The following RALYL variants were observed in gnomAD, a reference collection of about 807,000 sequenced individuals.
The protein encoded by RALYL is RNA-binding Raly-like protein.
A neutral mutation model predicts 35.1 loss-of-function variants in RALYL; 29 were observed. The observed-to-expected ratio is 0.83, with a 90% CI of 0.61 to 1.13. The LOEUF is 1.13. RALYL is among the 50% of genes most tolerant of loss of function. The probability of loss-of-function intolerance (pLI) is 0.00; values close to 1 mark genes in which losing one functional copy is unlikely to be tolerated. For synonymous variants in RALYL, 120 were observed against 127.6 expected, an observed-to-expected ratio of 0.94 and a Z score of 0.40; for missense variants, 359 against 360.4, an observed-to-expected ratio of 1.00 and a Z score of 0.03.
At chr8:84,757,045 A>C (rs1034252682) in intron 2 of RALYL, among the ~76,000 whole-genome samples, 4 of 152,158 alleles carry the variant, frequency 2.6e-5, no homozygotes, top group Admixed American at 1.3e-4. Context: ...ACATACTAAC[A>C]AGAAGAATTT....
intron 1 of RALYL, among the ~76,000 whole-genome samples, chr8:84,506,840 C>T (rs2057208903): frequency 6.6e-6 from 1 of 151,736 alleles, no homozygotes; most frequent in Non-Finnish European, 1.5e-5. Flanking sequence ...AGCAACTGTG[C>T]ACTTTAAATT....
At chr8:84,634,300 TC>T (rs1247118946) in intron 2 of RALYL, among the ~76,000 whole-genome samples, 3 of 151,810 alleles carry the variant, frequency 2.0e-5, no homozygotes, top group African/African-American at 7.2e-5. Context: ...ATAATACTCT[TC>T]CCCTGTCTTT....
chr8:84,520,923 G>A (rs2058408865), intron 1 of RALYL, among the ~76,000 whole-genome samples: 1 of 152,160 alleles, frequency 6.6e-6, no homozygotes, highest in Non-Finnish European at 1.5e-5. Context: ...AGCCCTCACA[G>A]AATAAATATA....
At chr8:84,594,776 C>G (rs1235392412) in intron 2 of RALYL, among the ~76,000 whole-genome samples, 1 of 151,974 alleles carries the variant, frequency 6.6e-6, no homozygotes, top group African/African-American at 2.4e-5. Context: ...TCTGAATCTT[C>G]AAAGAAAACT....
chr8:84,408,287 G>A (rs1171657274), intron 1 of RALYL, among the ~76,000 whole-genome samples: 2 of 151,642 alleles, frequency 1.3e-5, no homozygotes, highest in East Asian at 1.9e-4. Flanking sequence ...CCCATATTTT[G>A]ATTCCTTGAT....
chr8:84,754,275 T>C (rs548960869), intron 2 of RALYL, among the ~76,000 whole-genome samples: 1 of 152,194 alleles, frequency 6.6e-6, no homozygotes, highest in Non-Finnish European at 1.5e-5. Context: ...AATGTGAGAA[T>C]AGACTAATAT....
At chr8:84,441,828 C>T (rs1360811766) in intron 1 of RALYL, among the ~76,000 whole-genome samples, 1 of 152,058 alleles carries the variant, frequency 6.6e-6, no homozygotes, top group Non-Finnish European at 1.5e-5. Flanking sequence ...TACGTCAATT[C>T]CTCATCCCAC....
chr8:84,776,662 T>TG (rs1586166920), intron 3 of RALYL, among the ~76,000 whole-genome samples: 1 of 152,156 alleles, frequency 6.6e-6, no homozygotes. Flanking sequence ...CCAATGGCTT[T>TG]TTTTTATCAT....
intron 1 of RALYL, among the ~76,000 whole-genome samples, chr8:84,212,027 T>C (rs1176921777): frequency 6.6e-6 from 1 of 152,176 alleles, no homozygotes; most frequent in Non-Finnish European, 1.5e-5. Context: ...AAATTCACTA[T>C]TGCAACTCAG....
chr8:84,272,019 A>G (rs1046824049), intron 1 of RALYL, among the ~76,000 whole-genome samples: 18 of 152,164 alleles, frequency 1.2e-4, no homozygotes, highest in Non-Finnish European at 1.8e-4. Flanking sequence ...CTACCACCAT[A>G]ATGAGATTCT....
At chr8:84,672,981 C>T (rs193122567) in intron 2 of RALYL, among the ~76,000 whole-genome samples, 30 of 152,312 alleles carry the variant, frequency 2.0e-4, no homozygotes, top group African/African-American at 6.7e-4. Context: ...AACTAATTTA[C>T]CCTCTTACCA....
chr8:84,408,891 T>TAC (rs1300553896), intron 1 of RALYL, among the ~76,000 whole-genome samples: 2 of 152,090 alleles, frequency 1.3e-5, no homozygotes, highest in Non-Finnish European at 1.5e-5. Context: ...ATGGCAGCAC[T>TAC]ACATGTAACT....
intron 4 of RALYL, among the ~76,000 whole-genome samples, chr8:84,844,037 C>G (rs900757157): frequency 3.3e-5 from 5 of 152,200 alleles, no homozygotes; most frequent in African/African-American, 7.2e-5. Flanking sequence ...CTAGGCAATA[C>G]CATTCAGGAC....
intron 1 of RALYL, among the ~76,000 whole-genome samples, chr8:84,219,079 T>TA (rs1350475258): frequency 3.3e-5 from 5 of 152,034 alleles, no homozygotes; most frequent in African/African-American, 4.8e-5. Context: ...TGAACTAAAA[T>TA]AAAAAAATAC....
At chr8:84,651,909 G>A (rs993291319) in intron 2 of RALYL, among the ~76,000 whole-genome samples, 12 of 151,974 alleles carry the variant, frequency 7.9e-5, no homozygotes, top group Non-Finnish European at 1.5e-4. Context: ...TAGAAAAAAC[G>A]TCCAAATATC....
At chr8:84,271,715 G>C (rs1485717405) in intron 1 of RALYL, among the ~76,000 whole-genome samples, 1 of 151,898 alleles carries the variant, frequency 6.6e-6, no homozygotes, top group South Asian at 2.1e-4. Flanking sequence ...AAAGTATTAT[G>C]CCAAACAGAA....
intron 2 of RALYL, among the ~76,000 whole-genome samples, chr8:84,633,118 GT>G (rs35418943): frequency 0.98 from 148,423 of 151,350 alleles, 72,778 homozygotes; most frequent in East Asian, 1. Context: ...TAGAATTGAG[GT>G]TTTTTTTTTA....
chr8:84,780,309 T>C (rs117816015), intron 3 of RALYL, among the ~76,000 whole-genome samples: 1,525 of 152,318 alleles, frequency 0.01, 13 homozygotes, highest in Non-Finnish European at 0.015. Flanking sequence ...ATGTATGTTA[T>C]TGCTTAGGTC....
chr8:84,633,771 C>T (rs1564280717), intron 2 of RALYL, among the ~76,000 whole-genome samples: 1 of 151,804 alleles, frequency 6.6e-6, no homozygotes, highest in Admixed American at 6.6e-5. Context: ...ATGCCTATCT[C>T]TCATGTGTTT....
Sources: allele counts gnomAD v4.1 joint callset (sites outside exome capture counted in the v4.1 genomes callset), GRCh38; gene constraint gnomAD v4.1.1; transcripts MANE v1.5; gene names NCBI Gene and HGNC (gene_info 2026-07-23, HGNC 2026-07-21).